Variants in HMCN2 observed in about 807,000 individuals in gnomAD.
HMCN2 encodes hemicentin-2.
In HMCN2, 325 loss-of-function variants were observed where a neutral mutation model predicts 377.5. The observed-to-expected ratio is 0.86, with a 90% CI of 0.79 to 0.94. HMCN2 has a LOEUF of 0.94. HMCN2 is among the 40% of genes least tolerant of loss of function. HMCN2 has a pLI of 0.00. For missense variants in HMCN2, 4,543 were observed against 4,725.3 expected (o/e 0.96, Z 1.13); for synonymous variants, 2,007 against 2,046.8 (o/e 0.98, Z 0.53).
chr9:130,352,932 C>G lies in HMCN2; in HGVS notation c.4591C>G (p.Pro1531Ala). 1 of 1,278,432 alleles carries G rather than the reference C, an allele frequency of 7.8e-7. No individual in the cohort carries two copies. The highest frequency in any genetic ancestry group is 1.0e-6 in the Non-Finnish European group (1 of 974,594). 79.2% of individuals were successfully genotyped at this position (1,278,432 alleles called of 1,614,324 possible). ...RDFQLRVHAP[P>A]TIWGSNETGE... ...CCCACCTCTTTCCTTCTCAGCGCCC[C>G]CCACTATCTGGGGCTCCAACGAGAC... Residue 1531 changes from proline to alanine, a missense_variant, in exon 31 of 98, where the codon CCC becomes GCC. Around this residue, in one of 5 missense-constraint regions of HMCN2, gnomAD observed 1,032 missense variants for 1,285.1 expected, o/e 0.80. Transcript: ENST00000683500.
chr9:130,358,100 G>A lies in HMCN2; in HGVS notation c.5580+112G>A, dbSNP rs958990043. On this transcript the variant is annotated intron_variant, in intron 35 of 97. Transcript: ENST00000683500. Reference sequence around the variant, plus strand: ...TCCCAGCAGGCTGGGCATAGGAAGGGCCCAGAGCCCTCTCAGCCTGAAAGG... The same window carrying A: ...TCCCAGCAGGCTGGGCATAGGAAGGACCCAGAGCCCTCTCAGCCTGAAAGG... 25 of 937,542 alleles carry A rather than the reference G, an allele frequency of 2.7e-5. No individual in the cohort carries two copies. In the Admixed American group the frequency reaches 7.5e-4, roughly 28 times the overall value. The allele number at this position is 937,542 out of a possible 1,614,324, so 58.1% of individuals were successfully genotyped here.
chr9:130,323,578 C>T (rs1449574600), intron 19 of HMCN2, among the ~76,000 whole-genome samples: 3 of 152,172 alleles, frequency 2.0e-5, no homozygotes, highest in Admixed American at 6.5e-5. Context: ...AATGAATCAG[C>T]GCAGCTGGTT....
chr9:130,287,129 G>A (rs1835456480), intron 4 of HMCN2, among the ~76,000 whole-genome samples: 1 of 152,066 alleles, frequency 6.6e-6, no homozygotes, highest in Non-Finnish European at 1.5e-5. Context: ...GCTTTCCGGA[G>A]CCTACACAAG....
intron 15 of HMCN2, among the ~76,000 whole-genome samples, chr9:130,317,663 T>TTA (rs1370220568): frequency 2.6e-3 from 394 of 150,276 alleles, no homozygotes; most frequent in Non-Finnish European, 4.4e-3. Flanking sequence ...CCTGGCTAAT[T>TTA]TATATATATA....
chr9:130,352,886 C>T (rs1273084116), intron 30 of HMCN2, 41 bp from the exon 31 acceptor site: 6 of 1,227,244 alleles, frequency 4.9e-6, no homozygotes, highest in Non-Finnish European at 6.3e-6. Context: ...CCAGAGGCCT[C>T]AGCGGCTGCC....
Position 130,302,898 on chromosome 9 carries a change from C to T in HMCN2, c.1318C>T (p.Leu440=). The change falls in exon 9 of 98, where the codon CTG becomes TTG. Residue 440 remains leucine, a synonymous_variant. Coordinates refer to ENST00000683500, the MANE Select transcript of HMCN2 (RefSeq NM_001291815.2). The part of the protein sequence containing the change: ...VSMAPRIHGY[L]HQPLLVSCSV... ...CATGGCCCCCAGGATCCATGGCTACCTGCACCAGCCCCTGCTGGTCTCCTG... is the reference window on the plus strand; with the variant it reads ...CATGGCCCCCAGGATCCATGGCTACTTGCACCAGCCCCTGCTGGTCTCCTG... 1 of 470,474 alleles carries T rather than the reference C, an allele frequency of 2.1e-6. No homozygotes were observed. The highest frequency in any genetic ancestry group is 4.4e-6 in the Non-Finnish European group (1 of 226,584). The allele number at this position is 470,474 out of a possible 1,614,324, so 29.1% of individuals were successfully genotyped here. A position where few individuals can be genotyped will look rare whatever the true frequency, so the allele number is the denominator to read the frequency against.
rs368414391 is a variant in HMCN2, at chr9:130,309,914, G to A, written c.2203G>A (p.Gly735Ser). ...ATGCTTCTTCCTCTTTGGTCCAGGG[G>A]GTCTTGAAATGATCCTGGCCCCTGA... Reference protein sequence around the residue: ...PPPRVIWYRGGLEMILAPEGS... With the variant: ...PPPRVIWYRGSLEMILAPEGS... Residue 735 changes from glycine to serine, a missense_variant and splice_region_variant, in exon 15 of 98, where the codon GGT becomes AGT. This residue lies in a region of HMCN2 where 547 missense variants were observed against 189.9 expected (regional missense o/e 2.88). Transcript: ENST00000683500. 39 of 499,562 alleles carry A rather than the reference G, an allele frequency of 7.8e-5. No individual in the cohort carries two copies. The highest frequency in any genetic ancestry group is 4.4e-5 in the Admixed American group (2 of 45,964). The allele number at this position is 499,562 out of a possible 1,614,324, so 30.9% of individuals were successfully genotyped here.
At chr9:130,314,859 G>A (rs1204799472) in intron 15 of HMCN2, among the ~76,000 whole-genome samples, 1 of 152,150 alleles carries the variant, frequency 6.6e-6, no homozygotes, top group Non-Finnish European at 1.5e-5. Context: ...CTTCCAGATG[G>A]ATAAACTGAG....
At chr9:130,301,101 C>G (rs1034810027) in intron 8 of HMCN2, among the ~76,000 whole-genome samples, 16 of 152,176 alleles carry the variant, frequency 1.1e-4, no homozygotes, top group African/African-American at 3.9e-4. Flanking sequence ...GCCACGGTGC[C>G]CATCGTGCCT....
chr9:130,284,516 C>T, intron 1 of HMCN2, 87 bp from the exon 2 acceptor site: 1 of 460,200 alleles, frequency 2.2e-6, no homozygotes, highest in East Asian at 7.0e-5. Flanking sequence ...TCTGAACATC[C>T]ATCCTCATGT....
rs1481566379 is a variant in HMCN2, at chr9:130,355,899, G to A, written c.5255+45G>A. 4.3e-6 allele frequency: 5 copies of A among 1,169,648 alleles called. No individual in the cohort carries two copies. In the African/African-American group the frequency reaches 7.9e-5, roughly 19 times the overall value. 72.5% of individuals were successfully genotyped at this position (1,169,648 alleles called of 1,614,324 possible). A position where few individuals can be genotyped will look rare whatever the true frequency, so the allele number is the denominator to read the frequency against. On this transcript the variant is annotated intron_variant, in intron 33 of 97. Transcript: ENST00000683500. Reference sequence around the variant, plus strand: ...GGCCAGGGCTGGGGGTAGGCAGAGAGCGTGTGCTTTGCGGATTGTGGGGGG... The same window carrying A: ...GGCCAGGGCTGGGGGTAGGCAGAGAACGTGTGCTTTGCGGATTGTGGGGGG...
chr9:130,417,022 CTG>C (rs1424124103), intron 85 of HMCN2, among the ~76,000 whole-genome samples: 2 of 152,000 alleles, frequency 1.3e-5, no homozygotes, highest in African/African-American at 4.8e-5. Context: ...AGCAATTCTC[CTG>C]TGTCAGCCTC....
chr9:130,422,086 C>G lies in HMCN2; in HGVS notation c.13232-491C>G, dbSNP rs574152280. Among the ~76,000 whole-genome samples, 3 of 152,390 alleles carry G rather than the reference C, an allele frequency of 2.0e-5. No individual in the cohort carries two copies. In the South Asian group the frequency reaches 6.2e-4, roughly 32 times the overall value. On this transcript the variant is annotated intron_variant, in intron 86 of 97. Transcript: ENST00000683500. The surrounding 1 kb of genome is among the most constrained non-coding windows in gnomAD (Gnocchi z 4.2). ...CGGCTAGGAAACCAGCCCACCCGGC[C>G]AGGCCAGCTGCAGGGCAGCCAGGGC... is the stretch of plus-strand genomic sequence containing the variant.
At chr9:130,336,999 C>T (rs1009405000) in intron 22 of HMCN2, among the ~76,000 whole-genome samples, 6 of 152,140 alleles carry the variant, frequency 3.9e-5, no homozygotes, top group East Asian at 1.9e-4. Flanking sequence ...AGCCAGTGAG[C>T]GCAGGGCCAG....
Position 130,365,928 on chromosome 9 carries a change from G to T in HMCN2, c.6558G>T (p.Gly2186=). Residue 2186 remains glycine, a synonymous_variant, in exon 43 of 98, where the codon GGG becomes GGT. Coordinates refer to ENST00000683500, the MANE Select transcript of HMCN2 (RefSeq NM_001291815.2). ...RESHTLTVRE[G]HPTRLSCECR... The stretch of plus-strand genomic sequence containing the variant: ...CCCACACCCTGACTGTGAGAGAGGG[G>T]CACCCTACCAGGCTGTCCTGCGAAT... 1 of 985,726 alleles carries T rather than the reference G, an allele frequency of 1.0e-6. No individual in the cohort carries two copies. The highest frequency in any genetic ancestry group is 1.2e-6 in the Non-Finnish European group (1 of 829,848). The allele number at this position is 985,726 out of a possible 1,614,324, so 61.1% of individuals were successfully genotyped here. A position where few individuals can be genotyped will look rare whatever the true frequency, so the allele number is the denominator to read the frequency against.
rs1404676986 is a variant in HMCN2 at position 130,431,792 on chromosome 9, G to A, written c.14767+306G>A. On this transcript the variant is annotated intron_variant, in intron 96 of 97. Coordinates refer to ENST00000683500, the MANE Select transcript of HMCN2 (RefSeq NM_001291815.2). ...ACTCACTTCACCTCTCTAAGCCTCCGGCCTCCTGGTTAAATGGGGCTAGCA... is the reference window on the plus strand; with the variant it reads ...ACTCACTTCACCTCTCTAAGCCTCCAGCCTCCTGGTTAAATGGGGCTAGCA... 3.3e-5 allele frequency among the ~76,000 whole-genome samples: 5 copies of A among 152,326 alleles called. No homozygotes were observed. In the Middle Eastern group the frequency reaches 0.01, roughly 311 times the overall value.
At chr9:130,340,821 A>G (rs1839005334) in intron 23 of HMCN2, among the ~76,000 whole-genome samples, 5 of 152,266 alleles carry the variant, frequency 3.3e-5, no homozygotes, top group Admixed American at 3.3e-4. Context: ...CCCAGCCCCG[A>G]GTGGCGCTTC....
chr9:130,411,067 C>G (rs1843381660), intron 85 of HMCN2, among the ~76,000 whole-genome samples: 1 of 152,030 alleles, frequency 6.6e-6, no homozygotes, highest in East Asian at 1.9e-4. Context: ...AAGTGCAGAG[C>G]TCATGAATTT....
At chr9:130,410,986 T>C (rs919544884) in intron 85 of HMCN2, among the ~76,000 whole-genome samples, 1 of 152,146 alleles carries the variant, frequency 6.6e-6, no homozygotes, top group African/African-American at 2.4e-5. Context: ...CACTGTGAAG[T>C]TGTCTCAATA....
Sources: gnomAD v4.1 joint callset for allele counts (sites outside exome capture counted in the v4.1 genomes callset) on GRCh38, gnomAD v4.1.1 for gene constraint, gnomAD v4.1.1 regional missense constraint, Gnocchi (gnomAD v3.1) non-coding constraint, MANE v1.5 for transcripts, NCBI Gene and HGNC (gene_info 2026-07-23, HGNC 2026-07-21) for gene names.